FAM177A1: variants seen among roughly 807,000 people sequenced by gnomAD.
FAM177A1 encodes the protein family with sequence similarity 177 member A1.
Under a neutral mutation model 26.1 loss-of-function variants are expected in FAM177A1, and 22 were observed. The observed-to-expected ratio is 0.84, with a 90% confidence interval of 0.60 to 1.20. FAM177A1 has a LOEUF of 1.20. FAM177A1 is among the 50% of genes most tolerant of loss of function. The pLI is 0.00. For missense variants in FAM177A1, 296 were observed against 291.1 expected, an observed-to-expected ratio of 1.02 and a Z score of -0.12; for synonymous variants, 95 against 99.3, an observed-to-expected ratio of 0.96 and a Z score of 0.26.
chr14:35,061,651 AT>A (rs992290398), intron 2 of FAM177A1, among the ~76,000 whole-genome samples: 1 of 147,150 alleles, frequency 6.8e-6, no homozygotes, highest in Non-Finnish European at 1.5e-5. Flanking sequence ...ATTAGGAGAT[AT>A]ACCTAATGCT....
intron 2 of FAM177A1, 65 bp downstream of exon 2, chr14:35,053,516 A>C: frequency 6.7e-7 from 1 of 1,497,002 alleles, no homozygotes; most frequent in Non-Finnish European, 9.2e-7. Flanking sequence ...TTTTCCCTAA[A>C]CATTGAGTGG....
chr14:35,046,775 C>G (rs1159657933), intron 1 of FAM177A1, 147 bp downstream of exon 1: 1 of 1,384,508 alleles, frequency 7.2e-7, no homozygotes, highest in Non-Finnish European at 9.3e-7. Flanking sequence ...TGTTTCTGCT[C>G]ACTGAGACCA....
At chr14:35,051,628 G>T (rs890748199) in intron 1 of FAM177A1, among the ~76,000 whole-genome samples, 10 of 152,084 alleles carry the variant, frequency 6.6e-5, no homozygotes, top group African/African-American at 2.4e-4. Flanking sequence ...GGCCAGCCTG[G>T]TCTCGAACTC....
chr14:35,081,260 A>C lies in FAM177A1; in HGVS notation c.*32A>C. On this transcript the variant is annotated 3_prime_UTR_variant, in exon 5 of 5. Coordinates refer to ENST00000280987, the MANE Select transcript of FAM177A1 (RefSeq NM_173607.5). The stretch of plus-strand genomic sequence containing the variant: ...ATGACTATCAAGCTTCAAACTCTTA[A>C]GTTTTTTTTTTTTAATACAAAAACT... 2 of 1,132,422 alleles carry C rather than the reference A, an allele frequency of 1.8e-6. No homozygotes were observed. The highest frequency in any genetic ancestry group is 3.3e-4 in the Middle Eastern group (1 of 3,016). 70.1% of individuals were successfully genotyped at this position (1,132,422 alleles called of 1,614,324 possible).
At position 35,081,148 on chromosome 14, in the gene FAM177A1, G is replaced by GT; in HGVS notation, c.632dup (p.Asn212GlufsTer5). ...AGAGACAGTGATATCCAGCTCATTT[G>GT]TGAATGTCAATTTTGAAATGGAGGG... On this transcript the variant is annotated frameshift_variant, in exon 5 of 5. Transcript: ENST00000280987. LOFTEE classifies it high-confidence loss of function. The GT allele has an allele frequency of 6.2e-7, 1 of 1,613,580 alleles. No homozygotes were observed. Among genetic ancestry groups the GT allele is most frequent in the African/African-American group, 1.3e-5 (1 of 74,992 alleles).
At chr14:35,051,605 GT>G (rs1398773995) in intron 1 of FAM177A1, among the ~76,000 whole-genome samples, 2 of 152,054 alleles carry the variant, frequency 1.3e-5, no homozygotes, top group Non-Finnish European at 2.9e-5. Context: ...TAAAGTTGGG[GT>G]TTTGCCATGT....
chr14:35,065,229 G>A (rs530112276), intron 2 of FAM177A1, among the ~76,000 whole-genome samples: 1 of 150,500 alleles, frequency 6.6e-6, no homozygotes, highest in South Asian at 2.1e-4. Context: ...GCTGGAGTGC[G>A]GTGGTGCGAT....
At chr14:35,049,255 A>C (rs1319204472) in intron 1 of FAM177A1, among the ~76,000 whole-genome samples, 3 of 152,042 alleles carry the variant, frequency 2.0e-5, no homozygotes, top group African/African-American at 4.8e-5. Context: ...TCTCAGCCTC[A>C]ATGTTTTTAA....
At chr14:35,067,654 T>G (rs1375173645) in intron 2 of FAM177A1, among the ~76,000 whole-genome samples, 1 of 152,244 alleles carries the variant, frequency 6.6e-6, no homozygotes, top group Admixed American at 6.5e-5. Flanking sequence ...CAAGTGCACC[T>G]GGGTTCCCTT....
intron 2 of FAM177A1, among the ~76,000 whole-genome samples, chr14:35,073,783 ATAG>A (rs2045357042): frequency 6.6e-6 from 1 of 152,200 alleles, no homozygotes; most frequent in African/African-American, 2.4e-5. Flanking sequence ...TTTGTACAAA[ATAG>A]TAGAGTTAGC....
intron 2 of FAM177A1, chr14:35,055,136 T>A (rs1026820754): frequency 1.3e-5 from 2 of 150,790 alleles, no homozygotes; most frequent in African/African-American, 4.9e-5. Flanking sequence ...ACTCTGTCTC[T>A]ACTAAAAATA....
chr14:35,076,341 G>C (rs2045395139), intron 2 of FAM177A1, among the ~76,000 whole-genome samples: 1 of 151,816 alleles, frequency 6.6e-6, no homozygotes, highest in African/African-American at 2.4e-5. Flanking sequence ...CTATTGCAAG[G>C]ACAGAAAACC....
chr14:35,053,002 T>C (rs2044998680), intron 1 of FAM177A1, among the ~76,000 whole-genome samples: 1 of 152,204 alleles, frequency 6.6e-6, no homozygotes, highest in Admixed American at 6.5e-5. Context: ...TTGTTACATA[T>C]GTATTACTGG....
At chr14:35,068,348 C>T (rs2045269939) in intron 2 of FAM177A1, among the ~76,000 whole-genome samples, 1 of 152,146 alleles carries the variant, frequency 6.6e-6, no homozygotes, top group Non-Finnish European at 1.5e-5. Context: ...GTGGACTAGG[C>T]ATCATGTGAA....
chr14:35,064,500 T>C (rs1161809411), intron 2 of FAM177A1, among the ~76,000 whole-genome samples: 1 of 152,164 alleles, frequency 6.6e-6, no homozygotes, highest in Non-Finnish European at 1.5e-5. Context: ...AGAGGACATT[T>C]TACTTGAATT....
At chr14:35,064,200 A>T (rs1422525997) in intron 2 of FAM177A1, among the ~76,000 whole-genome samples, 1 of 151,902 alleles carries the variant, frequency 6.6e-6, no homozygotes, top group Non-Finnish European at 1.5e-5. Context: ...CAGCCTGGCC[A>T]TCATGGGGAA....
chr14:35,067,389 C>T (rs1023380904), intron 2 of FAM177A1, among the ~76,000 whole-genome samples: 1 of 152,180 alleles, frequency 6.6e-6, no homozygotes, highest in Non-Finnish European at 1.5e-5. Context: ...AATTGTATTT[C>T]ATTTTGTATA....
At chr14:35,045,019 A>G (rs1044103797), upstream of FAM177A1, 1 of 152,240 alleles carries the variant, frequency 6.6e-6, no homozygotes, top group Non-Finnish European at 1.5e-5. Context: ...GCTTGCCAGT[A>G]AGAAGGAAGA....
rs563100690 is a variant in FAM177A1, at chr14:35,073,218, C to T, written c.340-3932C>T. Among the ~76,000 whole-genome samples the T allele has an allele frequency of 3.9e-3, 588 of 152,216 alleles. 6 individuals carry two copies. The highest frequency in any genetic ancestry group is 0.014 in the African/African-American group (569 of 41,526). On this transcript the variant is annotated intron_variant, in intron 2 of 4. Coordinates refer to ENST00000280987, the MANE Select transcript of FAM177A1 (RefSeq NM_173607.5). Reference sequence around the variant, plus strand: ...CCCAAGTAGCTGGACTACAGGTGCACGCTGCCATGCCCAGCTAATATTTTG... The same window carrying T: ...CCCAAGTAGCTGGACTACAGGTGCATGCTGCCATGCCCAGCTAATATTTTG...
Sources: allele counts gnomAD v4.1 joint callset (sites outside exome capture counted in the v4.1 genomes callset), GRCh38; gene constraint gnomAD v4.1.1; transcripts MANE v1.5; gene names NCBI Gene and HGNC (gene_info 2026-07-23, HGNC 2026-07-21).